Variants in OSBPL5 observed in about 807,000 individuals in gnomAD.
The protein encoded by OSBPL5 is oxysterol-binding protein-related protein 5.
Under a neutral mutation model 111.2 loss-of-function variants are expected in OSBPL5, and 71 were observed. The ratio of observed to expected loss-of-function variants is 0.64; its 90% CI spans 0.53 to 0.78. The LOEUF is 0.78. Among genes scored for constraint, OSBPL5 ranks in the 30% least tolerant of loss-of-function variants. The pLI is 0.00. For synonymous variants in OSBPL5, 549 were observed against 513.9 expected, an observed-to-expected ratio of 1.07 and a Z score of -0.93; for missense variants, 1,210 against 1,189.3, an observed-to-expected ratio of 1.02 and a Z score of -0.26.
At chr11:3,155,776 G>A (rs948670016) in intron 1 of OSBPL5, among the ~76,000 whole-genome samples, 1 of 152,236 alleles carries the variant, frequency 6.6e-6, no homozygotes, top group African/African-American at 2.4e-5. Context: ...TGGAGATGCC[G>A]CGGGTCTGGG....
Position 3,107,913 on chromosome 11 carries a change from G to A in OSBPL5, c.724C>T (p.Leu242=). 6.2e-7 allele frequency: 1 copy of A among 1,602,118 alleles called. No individual in the cohort carries two copies. The highest frequency in any genetic ancestry group is 8.5e-7 in the Non-Finnish European group (1 of 1,179,836). ...AGTCTCAGTAGGCTAGAGCAGCGCA[G>A]GGCCAGCTCCAGGGCGTCCAGCCAG... ...RCWLDALELA[L]RCSSLLRLGT... Residue 242 remains leucine (L), a synonymous_variant, in exon 8 of 22, where the codon CTG becomes TTG. Transcript: ENST00000263650. This position sits in a 1 kb window ranked among gnomAD's most constrained non-coding sequence, Gnocchi z 6.1.
chr11:3,141,866 C>T lies in OSBPL5; in HGVS notation c.-21-12697G>A, dbSNP rs554420668. 2.9e-4 allele frequency among the ~76,000 whole-genome samples: 44 copies of T among 151,520 alleles called. No homozygotes were observed. The highest frequency in any genetic ancestry group is 3.4e-3 in the Middle Eastern group (1 of 294). Reference sequence around the variant, plus strand: ...AAAAAAGACTGCAAGAGTACAAATGCGCCATTTTCCCACTTTCTCTCCATG... The same window carrying T: ...AAAAAAGACTGCAAGAGTACAAATGTGCCATTTTCCCACTTTCTCTCCATG... On this transcript the variant is annotated intron_variant, in intron 1 of 21. Coordinates refer to ENST00000263650, the MANE Select transcript of OSBPL5 (RefSeq NM_020896.4). This position sits in a 1 kb window ranked among gnomAD's most constrained non-coding sequence, Gnocchi z 6.5.
rs1395962408 is a variant in OSBPL5 at position 3,113,962 on chromosome 11, T to A, written c.691+5585A>T. The stretch of plus-strand genomic sequence containing the variant: ...TGCAATGGTGTTTCCATAATTTAAA[T>A]AATGACAATTGCAGTTTTTATAAAT... On this transcript the variant is annotated intron_variant, in intron 7 of 21. Coordinates refer to ENST00000263650, the MANE Select transcript of OSBPL5 (RefSeq NM_020896.4). The surrounding 1 kb of genome is among the most constrained non-coding windows in gnomAD (Gnocchi z 4.8). Among the ~76,000 whole-genome samples, 1 of 152,206 alleles carries A rather than the reference T, an allele frequency of 6.6e-6. No individual in the cohort carries two copies. The highest frequency in any genetic ancestry group is 1.5e-5 in the Non-Finnish European group (1 of 68,022).
In OSBPL5 at chr11:3,143,321, G is replaced by A. The variant is rs552388224; in HGVS notation, c.-21-14152C>T. On this transcript the variant is annotated intron_variant, in intron 1 of 21. Coordinates refer to ENST00000263650, the MANE Select transcript of OSBPL5 (RefSeq NM_020896.4). ...CAGCGACCGGCTCCAGGGGCCCATG[G>A]GGGGCTGCACTGTGGGCGAAAACGC... 2.5e-4 allele frequency among the ~76,000 whole-genome samples: 38 copies of A among 152,126 alleles called. No homozygotes were observed. In the South Asian group the frequency reaches 7.9e-3, roughly 32 times the overall value.
chr11:3,107,282 A>G lies in OSBPL5; in HGVS notation c.1040T>C (p.Val347Ala). 1.2e-6 allele frequency: 2 copies of G among 1,613,018 alleles called. No homozygotes were observed. The highest frequency in any genetic ancestry group is 1.7e-6 in the Non-Finnish European group (2 of 1,179,868). The change falls in exon 9 of 22, where the codon GTC becomes GCC. Residue 347 changes from valine to alanine, a missense_variant. By Grantham distance (64) the Val-to-Ala change is moderately conservative. Transcript: ENST00000263650. The surrounding 1 kb of genome is among the most constrained non-coding windows in gnomAD (Gnocchi z 6.1). ...VRRGTTYVEQ[V>A]QEELGELGEA... is the part of the protein sequence containing the mutation. ...TCTCACCTCCCCCAGCTCCTCCTGG[A>G]CCTGCTCCACATAGGTGGTCCCTCT...
intron 1 of OSBPL5, among the ~76,000 whole-genome samples, chr11:3,160,693 C>G (rs962918955): frequency 1.3e-5 from 2 of 149,216 alleles, no homozygotes; most frequent in Non-Finnish European, 3.0e-5. Context: ...ACCCCGCCCC[C>G]ACACCGAGCG....
chr11:3,143,989 C>T (rs1029760421), intron 1 of OSBPL5, among the ~76,000 whole-genome samples: 1 of 152,146 alleles, frequency 6.6e-6, no homozygotes, highest in Non-Finnish European at 1.5e-5. Flanking sequence ...GACAGAGGGT[C>T]GATGGCCTCA....
At chr11:3,120,775 A>ACC (rs1221104775) in intron 5 of OSBPL5, 151 bp from the exon 6 acceptor site, 2 of 800,478 alleles carry the variant, frequency 2.5e-6, no homozygotes, top group African/African-American at 3.4e-5. Context: ...TTCGGAACTC[A>ACC]CCCCTTCCTC....
chr11:3,154,236 G>A lies in OSBPL5; in HGVS notation c.-22+10980C>T, dbSNP rs1846681400. On this transcript the variant is annotated intron_variant, in intron 1 of 21. Transcript: ENST00000263650. This position sits in a 1 kb window ranked among gnomAD's most constrained non-coding sequence, Gnocchi z 4.9. The stretch of plus-strand genomic sequence containing the variant: ...CCCACAGATCCTGGCCCAGGATGCT[G>A]GGACCTGGAGAGCACGGCCCTGCGT... Among the ~76,000 whole-genome samples the A allele has an allele frequency of 6.6e-6, 1 of 152,256 alleles. No homozygotes were observed. The highest frequency in any genetic ancestry group is 1.5e-5 in the Non-Finnish European group (1 of 68,050).
chr11:3,132,824 G>A (rs181427626), intron 1 of OSBPL5, among the ~76,000 whole-genome samples: 26 of 152,336 alleles, frequency 1.7e-4, no homozygotes, highest in Non-Finnish European at 3.2e-4. Flanking sequence ...CAGATGCAGC[G>A]CAGGTGAGGG....
intron 17 of OSBPL5, 118 bp from the exon 18 acceptor site, chr11:3,093,170 CTACAGT>C: frequency 9.2e-7 from 1 of 1,087,348 alleles, no homozygotes; most frequent in Non-Finnish European, 1.3e-6. Context: ...GCGTGATTGC[CTACAGT>C]GACAGGGAGC....
chr11:3,120,795 C>T (rs1341609418), intron 5 of OSBPL5, among the ~76,000 whole-genome samples, 171 bp from the exon 6 acceptor site: 1 of 152,226 alleles, frequency 6.6e-6, no homozygotes, highest in Non-Finnish European at 1.5e-5. Flanking sequence ...CACCCTCACT[C>T]CCTGGGGTGA....
At chr11:3,137,060 G>A (rs1845967992) in intron 1 of OSBPL5, among the ~76,000 whole-genome samples, 1 of 152,202 alleles carries the variant, frequency 6.6e-6, no homozygotes, top group Non-Finnish European at 1.5e-5. Context: ...TTAAAGGACA[G>A]CAGCCATCAT....
chr11:3,134,172 AAATGTCCTCTTCC>A (rs1845889182), intron 1 of OSBPL5, among the ~76,000 whole-genome samples: 1 of 152,190 alleles, frequency 6.6e-6, no homozygotes, highest in Non-Finnish European at 1.5e-5. Context: ...GGGCCTAAGG[AAATGTCCTCTTCC>A]AATGTCACAT....
chr11:3,094,541 AGCCTGGGAGGTGC>A lies in OSBPL5; in HGVS notation c.1622-220_1622-208del, dbSNP rs1857188899. 2.8e-5 allele frequency: 7 copies of A among 250,326 alleles called. No homozygotes were observed. In the East Asian group the frequency reaches 4.1e-3, roughly 148 times the overall value. 15.5% of individuals were successfully genotyped at this position (250,326 alleles called of 1,614,324 possible). ...CAGGGAGAGGCTGGTGGGGGTGCGG[AGCCTGGGAGGTGC>A]GGAGCCTGGGAGGCACGGAGCCTGG... On this transcript the variant is annotated intron_variant, in intron 14 of 21. Coordinates refer to ENST00000263650, the MANE Select transcript of OSBPL5 (RefSeq NM_020896.4).
chr11:3,136,543 G>A (rs532232583), intron 1 of OSBPL5, among the ~76,000 whole-genome samples: 6 of 152,230 alleles, frequency 3.9e-5, no homozygotes, highest in Non-Finnish European at 5.9e-5. Context: ...CCTGGGGACC[G>A]CAGAGCTGGG....
At chr11:3,143,037 G>C (rs1846183858) in intron 1 of OSBPL5, among the ~76,000 whole-genome samples, 1 of 98,148 alleles carries the variant, frequency 1.0e-5, no homozygotes, top group African/African-American at 3.7e-5. Context: ...GTGCGGGGGG[G>C]GGCAGAGGAG....
chr11:3,134,077 G>T (rs1315290765), intron 1 of OSBPL5, among the ~76,000 whole-genome samples: 1 of 152,154 alleles, frequency 6.6e-6, no homozygotes, highest in Non-Finnish European at 1.5e-5. Context: ...TCAGAAACAG[G>T]CAGGCGACAG....
At chr11:3,102,385 G>A (rs1255061308) in intron 11 of OSBPL5, 104 bp from the exon 12 acceptor site, 7 of 1,030,850 alleles carry the variant, frequency 6.8e-6, no homozygotes, top group African/African-American at 3.2e-5. Flanking sequence ...TGGGCTACCC[G>A]CTGCCTGCTG....
Sources: allele counts gnomAD v4.1 joint callset (sites outside exome capture counted in the v4.1 genomes callset), GRCh38; gene constraint gnomAD v4.1.1; non-coding constraint Gnocchi (gnomAD v3.1); transcripts MANE v1.5; gene names NCBI Gene and HGNC (gene_info 2026-07-23, HGNC 2026-07-21).